The following PAK1 variants were observed in gnomAD, a reference collection of about 807,000 sequenced individuals.
The protein encoded by PAK1 is serine/threonine-protein kinase PAK 1.
PAK1 carries 29 observed loss-of-function variants against 67.4 expected under a neutral mutation model. The observed-to-expected ratio is 0.43, with a 90% CI of 0.32 to 0.59. PAK1 has a LOEUF of 0.59. PAK1 is among the 20% of genes least tolerant of loss of function. PAK1 has a pLI of 0.07. For missense variants in PAK1, 337 were observed against 670.7 expected (o/e 0.50, Z 5.50); for synonymous variants, 223 against 237.4 (o/e 0.94, Z 0.56).
chr11:77,389,479 A>G (rs754702745), intron 2 of PAK1, among the ~76,000 whole-genome samples: 1 of 152,216 alleles, frequency 6.6e-6, no homozygotes, highest in Non-Finnish European at 1.5e-5. Flanking sequence ...CATTCCCACC[A>G]GCAATTATGA....
At chr11:77,325,284 C>A in intron 14 of PAK1, 1 of 1,612,932 alleles carries the variant, frequency 6.2e-7, no homozygotes, top group South Asian at 1.1e-5. Context: ...AGAGCATACA[C>A]ACTTGAGAGC....
chr11:77,439,516 T>C (rs1956267067), intron 1 of PAK1, among the ~76,000 whole-genome samples: 1 of 152,220 alleles, frequency 6.6e-6, no homozygotes, highest in Non-Finnish European at 1.5e-5. Flanking sequence ...AAGGTTGTGT[T>C]AGATGCCCCT....
At chr11:77,489,386 C>T in the PAK1 span, among the ~76,000 whole-genome samples, 1 of 148,794 alleles carries the variant, frequency 6.7e-6, no homozygotes, top group Admixed American at 6.7e-5. Context: ...ATCTCCCCTC[C>T]CTCCTCTCTC....
chr11:77,372,247 C>T (rs1948538512), intron 5 of PAK1, among the ~76,000 whole-genome samples: 1 of 152,152 alleles, frequency 6.6e-6, no homozygotes, highest in Non-Finnish European at 1.5e-5. Flanking sequence ...ATTCAAAGAT[C>T]CTATATTTGC....
At chr11:77,337,023 C>T (rs1225078350) in intron 12 of PAK1, among the ~76,000 whole-genome samples, 1 of 150,738 alleles carries the variant, frequency 6.6e-6, no homozygotes, top group Non-Finnish European at 1.5e-5. Context: ...ATCTATTACA[C>T]GTTTTCCATA....
At chr11:77,416,137 C>G (rs1954939640) in intron 1 of PAK1, among the ~76,000 whole-genome samples, 1 of 152,056 alleles carries the variant, frequency 6.6e-6, no homozygotes, top group Middle Eastern at 3.2e-3. Flanking sequence ...TGCCACCATG[C>G]CCAGCTAATT....
At chr11:77,513,593 C>T in the PAK1 span, among the ~76,000 whole-genome samples, 1 of 144,282 alleles carries the variant, frequency 6.9e-6, no homozygotes, top group Non-Finnish European at 1.5e-5. Context: ...ATCACTTGAG[C>T]CCGGGAGGTG....
At chr11:77,334,199 T>TA (rs201038504) in intron 13 of PAK1, among the ~76,000 whole-genome samples, 2 of 151,040 alleles carry the variant, frequency 1.3e-5, no homozygotes, top group South Asian at 2.1e-4. Context: ...AATAAAAAAA[T>TA]AAAAAAATAT....
chr11:77,510,812 T>C, the PAK1 span, among the ~76,000 whole-genome samples: 1 of 152,248 alleles, frequency 6.6e-6, no homozygotes, highest in East Asian at 1.9e-4. Context: ...TGTGGATGCA[T>C]CATCTTTATG....
the PAK1 span, among the ~76,000 whole-genome samples, chr11:77,525,323 G>A: frequency 7.9e-5 from 12 of 151,224 alleles, no homozygotes; most frequent in Admixed American, 7.9e-4. Flanking sequence ...GAGCCAGACC[G>A]TGTCTCAAAA....
In PAK1 at chr11:77,434,208, G is replaced by C. The variant is rs1009040604; in HGVS notation, c.-22+39344C>G. 5.3e-5 allele frequency among the ~76,000 whole-genome samples: 8 copies of C among 152,196 alleles called. No individual in the cohort carries two copies. The Middle Eastern group carries it at 0.014, about 261-fold the overall frequency. On this transcript the variant is annotated intron_variant, in intron 1 of 14. Coordinates refer to ENST00000356341, the MANE Select transcript of PAK1 (RefSeq NM_002576.5). ...TACATAAATGTTCATAGTAGCATTAGTCGCAGCCAAAAAATGGAAACAACC... is the reference window on the plus strand; with the variant it reads ...TACATAAATGTTCATAGTAGCATTACTCGCAGCCAAAAAATGGAAACAACC...
At chr11:77,374,268 A>C (rs1169856916) in intron 5 of PAK1, 60 bp downstream of exon 5, 15 of 1,128,226 alleles carry the variant, frequency 1.3e-5, no homozygotes, top group Non-Finnish European at 8.0e-6. Context: ...CCTCTACCAC[A>C]CTGTCTTGAT....
intron 1 of PAK1, among the ~76,000 whole-genome samples, chr11:77,398,472 C>T (rs972201153): frequency 1.3e-5 from 2 of 152,064 alleles, no homozygotes; most frequent in Non-Finnish European, 2.9e-5. Flanking sequence ...AATAGTACTC[C>T]ATTGTACATG....
upstream of PAK1, chr11:77,474,919 TAGAA>T (rs1460295677): frequency 6.6e-6 from 1 of 152,176 alleles, no homozygotes; most frequent in Non-Finnish European, 1.5e-5. Context: ...GAGACAGCAT[TAGAA>T]AGGCTAAGAG....
chr11:77,391,864 C>T (rs1951179767), intron 2 of PAK1, among the ~76,000 whole-genome samples: 1 of 152,154 alleles, frequency 6.6e-6, no homozygotes, highest in South Asian at 2.1e-4. Context: ...ATCCTTTTCT[C>T]AGCTGTTACT....
intron 1 of PAK1, among the ~76,000 whole-genome samples, chr11:77,428,335 G>A (rs1314574248): frequency 2.0e-5 from 3 of 151,984 alleles, no homozygotes; most frequent in Non-Finnish European, 4.4e-5. Flanking sequence ...AGACCGAGGC[G>A]GGCAGATCAC....
intron 1 of PAK1, among the ~76,000 whole-genome samples, chr11:77,442,872 C>T (rs760394233): frequency 6.6e-6 from 1 of 152,170 alleles, no homozygotes; most frequent in Non-Finnish European, 1.5e-5. Context: ...TAAACAACAA[C>T]AGTCTCTGCT....
intron 1 of PAK1, among the ~76,000 whole-genome samples, chr11:77,396,390 T>C (rs1314236465): frequency 6.6e-6 from 1 of 152,218 alleles, no homozygotes; most frequent in East Asian, 1.9e-4. Flanking sequence ...TTACACTGCA[T>C]TGCAATAATT....
intron 4 of PAK1, among the ~76,000 whole-genome samples, chr11:77,378,101 C>T (rs1416542566): frequency 6.6e-6 from 1 of 152,202 alleles, no homozygotes; most frequent in African/African-American, 2.4e-5. Flanking sequence ...CTGGTTCTCA[C>T]CTTCCCAACA....
Sources: gnomAD v4.1 joint callset for allele counts (sites outside exome capture counted in the v4.1 genomes callset) on GRCh38, gnomAD v4.1.1 for gene constraint, MANE v1.5 for transcripts, NCBI Gene and HGNC (gene_info 2026-07-23, HGNC 2026-07-21) for gene names.